The following PDE4D variants were observed in gnomAD, a reference collection of about 807,000 sequenced individuals.
The protein encoded by PDE4D is 3',5'-cyclic-AMP phosphodiesterase 4D.
In PDE4D, 24 loss-of-function variants were observed where a neutral mutation model predicts 87.4. The ratio of observed to expected loss-of-function variants is 0.27; its 90% CI spans 0.20 to 0.39. PDE4D has a LOEUF of 0.39. Among genes scored for constraint, PDE4D ranks in the 10% least tolerant of loss-of-function variants. The pLI is 1.00. For missense variants in PDE4D, 714 were observed against 1,041.0 expected, an observed-to-expected ratio of 0.69 and a Z score of 4.32; for synonymous variants, 384 against 383.2, an observed-to-expected ratio of 1.00 and a Z score of -0.02.
intron 3 of PDE4D, among the ~76,000 whole-genome samples, chr5:59,985,124 G>GTTTTTTTTTTTTTTTTTTTTTTTTTTTT (rs762506771): frequency 2.7e-5 from 3 of 111,266 alleles, no homozygotes; most frequent in African/African-American, 5.7e-5. Context: ...TTCACCTTTC[G>GTTTTTTTTTTTTTTTTTTTTTTTTTTTT]TTTTTTGTTT....
chr5:59,423,076 A>T (rs1185819925), intron 1 of PDE4D, among the ~76,000 whole-genome samples: 3 of 152,196 alleles, frequency 2.0e-5, no homozygotes, highest in Non-Finnish European at 4.4e-5. Flanking sequence ...GTAAGAAAAC[A>T]GTAGTCTCCC....
intron 5 of PDE4D, among the ~76,000 whole-genome samples, chr5:59,134,572 C>T (rs7734070): frequency 0.12 from 17,812 of 152,016 alleles, 1,241 homozygotes; most frequent in Non-Finnish European, 0.16. Context: ...AGAAATATGC[C>T]CACATTTTAT....
chr5:60,059,460 T>C (rs1227659904), intron 2 of PDE4D, among the ~76,000 whole-genome samples: 2 of 151,992 alleles, frequency 1.3e-5, no homozygotes, highest in East Asian at 1.9e-4. Context: ...ACCCTAATGG[T>C]AGTAAGGAAC....
chr5:59,963,144 A>G (rs1298866528), intron 3 of PDE4D, among the ~76,000 whole-genome samples: 2 of 152,190 alleles, frequency 1.3e-5, no homozygotes, highest in African/African-American at 4.8e-5. Flanking sequence ...CTGAGGCTCA[A>G]CGTTTCCTCT....
intron 1 of PDE4D, among the ~76,000 whole-genome samples, chr5:59,403,223 A>G (rs918334731): frequency 1.3e-5 from 2 of 151,958 alleles, no homozygotes; most frequent in Admixed American, 1.3e-4. Flanking sequence ...AGATATTTTC[A>G]TACAGGCAAG....
chr5:59,648,720 C>CAAAAAA (rs34222734), intron 1 of PDE4D, among the ~76,000 whole-genome samples: 1 of 140,674 alleles, frequency 7.1e-6, no homozygotes. Flanking sequence ...CATCTAACCT[C>CAAAAAA]AAAAAAAAAA....
At chr5:60,438,658 A>G (rs1744949430) in intron 1 of PDE4D, among the ~76,000 whole-genome samples, 1 of 152,104 alleles carries the variant, frequency 6.6e-6, no homozygotes, top group South Asian at 2.1e-4. Context: ...GATGTCAGAA[A>G]AAATGAGCAA....
At chr5:59,659,137 C>A (rs763433839) in intron 1 of PDE4D, among the ~76,000 whole-genome samples, 1 of 152,210 alleles carries the variant, frequency 6.6e-6, no homozygotes, top group Non-Finnish European at 1.5e-5. Flanking sequence ...TATGTTGAAT[C>A]AGTAAATAAA....
At chr5:60,076,161 C>T (rs975004462) in intron 2 of PDE4D, among the ~76,000 whole-genome samples, 3 of 136,700 alleles carry the variant, frequency 2.2e-5, no homozygotes, top group Middle Eastern at 3.4e-3. Flanking sequence ...CAATCTTTTT[C>T]GAATTTTTTT....
intron 1 of PDE4D, among the ~76,000 whole-genome samples, chr5:59,503,281 T>C (rs1808654694): frequency 6.6e-6 from 1 of 152,182 alleles, no homozygotes; most frequent in Non-Finnish European, 1.5e-5. Context: ...AATTACATCC[T>C]CAGAAACTTA....
chr5:59,006,690 T>G (rs999706138), intron 6 of PDE4D, among the ~76,000 whole-genome samples: 2 of 152,220 alleles, frequency 1.3e-5, no homozygotes, highest in African/African-American at 2.4e-5. Context: ...TATTCCTTGT[T>G]TTCTCAGTCC....
At chr5:60,005,320 T>A (rs186867510) in intron 2 of PDE4D, among the ~76,000 whole-genome samples, 179 of 152,192 alleles carry the variant, frequency 1.2e-3, no homozygotes, top group African/African-American at 4.2e-3. Flanking sequence ...AATGGGGTAA[T>A]GTTGGACACA....
chr5:59,778,906 T>A (rs1267621662), intron 1 of PDE4D, among the ~76,000 whole-genome samples: 2 of 152,196 alleles, frequency 1.3e-5, no homozygotes, highest in African/African-American at 2.4e-5. Context: ...GGCTCACACT[T>A]GTAATCCCAG....
At chr5:59,977,229 G>A (rs756669371) in intron 3 of PDE4D, among the ~76,000 whole-genome samples, 1 of 152,172 alleles carries the variant, frequency 6.6e-6, no homozygotes, top group Non-Finnish European at 1.5e-5. Flanking sequence ...CAAAGAAAAA[G>A]CTTTTGAAGG....
chr5:59,629,070 C>T (rs1831248466), intron 1 of PDE4D, among the ~76,000 whole-genome samples: 2 of 152,290 alleles, frequency 1.3e-5, no homozygotes, highest in Non-Finnish European at 2.9e-5. Flanking sequence ...GTAACTGCCA[C>T]CATGATTCAA....
intron 5 of PDE4D, among the ~76,000 whole-genome samples, chr5:59,101,981 T>A (rs1012455084): frequency 1.3e-5 from 2 of 151,984 alleles, no homozygotes; most frequent in African/African-American, 4.8e-5. Context: ...GCCCATCGAG[T>A]TGAGCTACAC....
chr5:60,448,274 T>C (rs1327799542), intron 1 of PDE4D, among the ~76,000 whole-genome samples: 2 of 152,108 alleles, frequency 1.3e-5, no homozygotes, highest in Non-Finnish European at 2.9e-5. Flanking sequence ...CAAAAAATAA[T>C]TACTTAAAAG....
intron 1 of PDE4D, among the ~76,000 whole-genome samples, chr5:59,810,875 C>T (rs1217258521): frequency 6.6e-6 from 1 of 152,106 alleles, no homozygotes; most frequent in African/African-American, 2.4e-5. Flanking sequence ...TAATTTGTAT[C>T]TTTATTGATC....
At chr5:58,981,774 G>A (rs1353681190) in intron 11 of PDE4D, among the ~76,000 whole-genome samples, 1 of 152,086 alleles carries the variant, frequency 6.6e-6, no homozygotes, top group Non-Finnish European at 1.5e-5. Flanking sequence ...TTCGTGAAGG[G>A]TATGGGTTAT....
Sources: allele counts gnomAD v4.1 joint callset (sites outside exome capture counted in the v4.1 genomes callset), GRCh38; gene constraint gnomAD v4.1.1; transcripts MANE v1.5; gene names NCBI Gene and HGNC (gene_info 2026-07-23, HGNC 2026-07-21).